Variants in WNK1 observed in about 807,000 individuals in gnomAD.
WNK1 encodes the protein serine/threonine-protein kinase WNK1.
In WNK1, 38 loss-of-function variants were observed where a neutral mutation model predicts 222.8. The ratio of observed to expected loss-of-function variants is 0.17; its 90% confidence interval spans 0.13 to 0.22. WNK1 has a LOEUF of 0.22. Ranked by LOEUF, WNK1 falls within the 10% of genes least tolerant of loss-of-function variation. The probability of loss-of-function intolerance (pLI) is 1.00; values close to 1 mark genes in which losing one functional copy is unlikely to be tolerated. For synonymous variants in WNK1, 1,090 were observed against 1,092.9 expected (o/e 1.00, Z 0.05); for missense variants, 2,348 against 2,918.4 (o/e 0.80, Z 4.50).
intron 26 of WNK1, among the ~76,000 whole-genome samples, chr12:902,134 A>T (rs918341788): frequency 1.6e-5 from 2 of 128,702 alleles, no homozygotes; most frequent in African/African-American, 2.7e-5. Flanking sequence ...CCCCATCTCT[A>T]AAAAAAAAAA....
At chr12:800,572 T>C (rs1945773975) in intron 1 of WNK1, among the ~76,000 whole-genome samples, 1 of 152,172 alleles carries the variant, frequency 6.6e-6, no homozygotes, top group Non-Finnish European at 1.5e-5. Context: ...GGGAAGAGTG[T>C]TTTATCTTTG....
chr12:896,022 A>C (rs988755073), intron 23 of WNK1, 49 bp from the exon 24 acceptor site: 1 of 1,610,016 alleles, frequency 6.2e-7, no homozygotes, highest in Non-Finnish European at 8.5e-7. Context: ...CTGTGATAGA[A>C]ATTGGATATT....
chr12:799,535 A>C (rs1341648008), intron 1 of WNK1, among the ~76,000 whole-genome samples: 1 of 152,116 alleles, frequency 6.6e-6, no homozygotes, highest in Non-Finnish European at 1.5e-5. Context: ...AAAGTAAAAG[A>C]TTTCTTTTAA....
At chr12:811,770 A>G (rs1946929265) in intron 1 of WNK1, among the ~76,000 whole-genome samples, 1 of 152,096 alleles carries the variant, frequency 6.6e-6, no homozygotes, top group Non-Finnish European at 1.5e-5. Context: ...AGAAGCCCCA[A>G]ATTATTTGTT....
At chr12:883,101 G>A (rs746814974) in intron 15 of WNK1, 42 bp downstream of exon 15, 1 of 1,355,922 alleles carries the variant, frequency 7.4e-7, no homozygotes, top group East Asian at 2.3e-5. Flanking sequence ...CTTAGTACTT[G>A]ATCTTAATAG....
rs1326246152 is a variant in WNK1 at position 754,014 on chromosome 12, G to A, written c.449G>A (p.Gly150Asp). 1.3e-6 allele frequency: 2 copies of A among 1,587,150 alleles called. No individual in the cohort carries two copies. Among genetic ancestry groups the A allele is most frequent in the South Asian group, 2.3e-5 (2 of 88,808 alleles). Residue 150 changes from glycine (G) to aspartate (D), a missense_variant, in exon 1 of 28, where the codon GGC becomes GAC. This residue lies in a region of WNK1 where 185 missense variants were observed against 159.2 expected (regional missense o/e 1.16). Transcript: ENST00000315939. ...AAAPGEQAVA[G>D]PAPSTVPSST... is the part of the protein sequence containing the mutation. ...GCCCCTGGGGAACAGGCCGTCGCGG[G>A]CCCTGCCCCCTCGACTGTCCCCAGC...
intron 4 of WNK1, among the ~76,000 whole-genome samples, chr12:846,093 T>C (rs146217657): frequency 1.2e-4 from 18 of 152,280 alleles, no homozygotes; most frequent in African/African-American, 4.1e-4. Flanking sequence ...TTCCTTTACC[T>C]CTTTTTTGTT....
chr12:837,962 T>A (rs552957128), intron 4 of WNK1, among the ~76,000 whole-genome samples: 48 of 152,324 alleles, frequency 3.2e-4, no homozygotes, highest in African/African-American at 7.9e-4. Context: ...AATAGAGTCA[T>A]TTAATATGTG....
chr12:867,644 C>T (rs1248996788), intron 8 of WNK1: 5 of 548,516 alleles, frequency 9.1e-6, no homozygotes, highest in Non-Finnish European at 1.6e-5. Context: ...AAAAGCAGCT[C>T]TTATCTAAAG....
intron 19 of WNK1, 40 bp from the exon 20 acceptor site, chr12:887,181 T>C (rs940926632): frequency 2.5e-6 from 4 of 1,575,750 alleles, no homozygotes; most frequent in African/African-American, 2.7e-5. Context: ...TCTTTATATT[T>C]AGCGTCTCAC....
At chr12:759,477 A>G (rs1190056673) in intron 1 of WNK1, among the ~76,000 whole-genome samples, 1 of 146,440 alleles carries the variant, frequency 6.8e-6, no homozygotes, top group Non-Finnish European at 1.5e-5. Context: ...ATTACAGGCG[A>G]GCGCCACCAC....
At chr12:856,001 A>G (rs1950756610) in intron 4 of WNK1, among the ~76,000 whole-genome samples, 2 of 151,308 alleles carry the variant, frequency 1.3e-5, no homozygotes, top group African/African-American at 4.9e-5. Flanking sequence ...CACCACGCCC[A>G]TCTAATTTTT....
intron 14 of WNK1, among the ~76,000 whole-genome samples, chr12:882,382 A>G (rs1045940868): frequency 2.0e-5 from 3 of 152,208 alleles, no homozygotes; most frequent in Admixed American, 6.5e-5. Context: ...TATTTTTAGT[A>G]GAGACAGGGT....
chr12:834,550 A>G (rs1949038161), intron 4 of WNK1, among the ~76,000 whole-genome samples: 1 of 152,094 alleles, frequency 6.6e-6, no homozygotes, highest in Non-Finnish European at 1.5e-5. Context: ...TTTTCTCCTG[A>G]GGTAAGGGAA....
At chr12:865,644 C>T (rs901077389) in intron 8 of WNK1, among the ~76,000 whole-genome samples, 4 of 152,084 alleles carry the variant, frequency 2.6e-5, no homozygotes, top group African/African-American at 4.8e-5. Context: ...TGTTTCCTAT[C>T]GACATAAAAT....
intron 26 of WNK1, 37 bp downstream of exon 26, chr12:900,707 A>G: frequency 1.9e-6 from 3 of 1,612,112 alleles, no homozygotes; most frequent in Non-Finnish European, 2.5e-6. Context: ...AAACAATAAA[A>G]TGGAGATGTT....
At chr12:786,186 C>T (rs2153974509) in intron 1 of WNK1, among the ~76,000 whole-genome samples, 1 of 152,092 alleles carries the variant, frequency 6.6e-6, no homozygotes, top group African/African-American at 2.4e-5. Context: ...ATTTTTGTTG[C>T]CTTAGACTAC....
chr12:901,576 A>G (rs1291970176), intron 26 of WNK1: 1 of 1,288,818 alleles, frequency 7.8e-7, no homozygotes, highest in South Asian at 1.2e-5. Flanking sequence ...GCGAAGTTTA[A>G]CTGTGCATCT....
intron 25 of WNK1, among the ~76,000 whole-genome samples, 180 bp from the exon 26 acceptor site, chr12:900,296 G>T (rs981953540): frequency 1.3e-5 from 2 of 152,076 alleles, no homozygotes; most frequent in Non-Finnish European, 2.9e-5. Flanking sequence ...CCTATCTATT[G>T]AGTCTTAGTG....
Sources: gnomAD v4.1 joint callset for allele counts (sites outside exome capture counted in the v4.1 genomes callset) on GRCh38, gnomAD v4.1.1 for gene constraint, gnomAD v4.1.1 regional missense constraint, MANE v1.5 for transcripts, NCBI Gene and HGNC (gene_info 2026-07-23, HGNC 2026-07-21) for gene names.